The following CAMK4 variants were observed in gnomAD, a reference collection of about 807,000 sequenced individuals.
The protein encoded by CAMK4 is calcium/calmodulin dependent protein kinase IV, also known as calcium/calmodulin-dependent protein kinase type IV.
CAMK4 carries 22 observed loss-of-function variants against 44.9 expected under a neutral mutation model. The ratio of observed to expected loss-of-function variants is 0.49; its 90% CI spans 0.35 to 0.70. The LOEUF (loss-of-function observed/expected upper bound fraction) is 0.70, where lower values mean the gene tolerates loss of function less well. CAMK4 is among the 30% of genes least tolerant of loss of function. CAMK4 has a pLI of 0.01. For synonymous variants in CAMK4, 218 were observed against 215.4 expected (o/e 1.01, Z -0.11); for missense variants, 498 against 586.8 (o/e 0.85, Z 1.56).
chr5:111,240,745 T>A (rs1328456044), intron 1 of CAMK4, among the ~76,000 whole-genome samples: 3 of 152,202 alleles, frequency 2.0e-5, no homozygotes, highest in Non-Finnish European at 4.4e-5. Context: ...TACAAATGAT[T>A]GGATATCACA....
At chr5:111,348,596 G>A (rs940124282) in intron 2 of CAMK4, among the ~76,000 whole-genome samples, 1 of 151,882 alleles carries the variant, frequency 6.6e-6, no homozygotes, top group Non-Finnish European at 1.5e-5. Flanking sequence ...ATATCAGCCA[G>A]CATCATAAAG....
intron 5 of CAMK4, among the ~76,000 whole-genome samples, chr5:111,434,479 G>A (rs1172785541): frequency 1.3e-5 from 2 of 152,146 alleles, no homozygotes; most frequent in Non-Finnish European, 2.9e-5. Context: ...ATGTCTCAGG[G>A]GCCCCGAAGC....
At chr5:111,373,650 G>C (rs757948832) in intron 2 of CAMK4, among the ~76,000 whole-genome samples, 55 of 152,068 alleles carry the variant, frequency 3.6e-4, no homozygotes, top group Non-Finnish European at 6.9e-4. Flanking sequence ...TTCTTCCTCA[G>C]GAGAAGTAAC....
At chr5:111,433,923 A>G (rs1429959802) in intron 5 of CAMK4, among the ~76,000 whole-genome samples, 1 of 152,204 alleles carries the variant, frequency 6.6e-6, no homozygotes, top group Non-Finnish European at 1.5e-5. Flanking sequence ...TTGTTTTTAA[A>G]TCAATGATTG....
chr5:111,480,887 T>A (rs899585375), intron 9 of CAMK4, among the ~76,000 whole-genome samples: 3 of 152,194 alleles, frequency 2.0e-5, no homozygotes, highest in Admixed American at 1.3e-4. Flanking sequence ...TTCAGCTAGA[T>A]CCCTTGTTAG....
chr5:111,418,673 A>T (rs1419067985), intron 5 of CAMK4, among the ~76,000 whole-genome samples: 2 of 141,892 alleles, frequency 1.4e-5, no homozygotes, highest in African/African-American at 5.3e-5. Context: ...ATTCCCACCT[A>T]TGAGTGAGAA....
At chr5:111,323,639 TC>T (rs1260788312) in intron 1 of CAMK4, among the ~76,000 whole-genome samples, 2 of 151,982 alleles carry the variant, frequency 1.3e-5, no homozygotes, top group Non-Finnish European at 2.9e-5. Flanking sequence ...AAACCTGTCT[TC>T]CCAGAATTGT....
intron 5 of CAMK4, among the ~76,000 whole-genome samples, chr5:111,434,407 C>T (rs1330490298): frequency 6.6e-6 from 1 of 151,958 alleles, no homozygotes; most frequent in Admixed American, 6.6e-5. Context: ...AGGATTATGA[C>T]TGATTGGCCA....
intron 7 of CAMK4, among the ~76,000 whole-genome samples, chr5:111,452,208 G>A (rs903050442): frequency 2.0e-5 from 3 of 152,196 alleles, no homozygotes; most frequent in Non-Finnish European, 4.4e-5. Context: ...GTGAGTTTAG[G>A]TGCTGTTTGT....
Position 111,432,646 on chromosome 5 carries a change from A to G in CAMK4, c.460-14040A>G, listed in dbSNP as rs150157162. The stretch of plus-strand genomic sequence containing the variant: ...TGTATATATATATATACATATATAT[A>G]TGTATATATGTGTGTGTATATATAT... On this transcript the variant is annotated intron_variant, in intron 5 of 10. Coordinates refer to ENST00000282356, the MANE Select transcript of CAMK4 (RefSeq NM_001744.6). 7.0e-3 allele frequency among the ~76,000 whole-genome samples: 933 copies of G among 132,608 alleles called. 10 individuals are homozygous for G. Among genetic ancestry groups the G allele is most frequent in the African/African-American group, 0.025 (802 of 32,632 alleles). 87.0% of individuals were successfully genotyped at this position (132,608 alleles called of 152,430 possible). A position where few individuals can be genotyped will look rare whatever the true frequency, so the allele number is the denominator to read the frequency against.
chr5:111,423,290 A>G (rs1753095815), intron 5 of CAMK4, among the ~76,000 whole-genome samples: 1 of 152,234 alleles, frequency 6.6e-6, no homozygotes. Context: ...TACATGGCAC[A>G]TTCCACTATA....
chr5:111,357,928 AG>A (rs1360878861), intron 2 of CAMK4: 1 of 152,096 alleles, frequency 6.6e-6, no homozygotes, highest in Admixed American at 6.6e-5. Context: ...TCTAGAACTC[AG>A]GGCTTTTGAA....
At chr5:111,470,432 T>C (rs921323258) in intron 7 of CAMK4, among the ~76,000 whole-genome samples, 4 of 152,284 alleles carry the variant, frequency 2.6e-5, no homozygotes, top group African/African-American at 9.6e-5. Flanking sequence ...ATGCACACCT[T>C]CCTTTCACCA....
chr5:111,339,871 T>C (rs1749565308), intron 1 of CAMK4, among the ~76,000 whole-genome samples: 1 of 151,286 alleles, frequency 6.6e-6, no homozygotes, highest in African/African-American at 2.4e-5. Flanking sequence ...GGATATCTTT[T>C]CATTTTTTTG....
intron 1 of CAMK4, among the ~76,000 whole-genome samples, chr5:111,343,621 CCCT>C (rs1749734162): frequency 6.6e-6 from 1 of 151,756 alleles, no homozygotes. Flanking sequence ...TTAACCTAAA[CCCT>C]CTCCCTGAAG....
At chr5:111,235,675 T>C (rs1006758213) in intron 1 of CAMK4, among the ~76,000 whole-genome samples, 1 of 152,222 alleles carries the variant, frequency 6.6e-6, no homozygotes, top group Non-Finnish European at 1.5e-5. Context: ...AGAAAACCAG[T>C]GCAGTTCTTT....
At chr5:111,417,362 G>A (rs1294320366) in intron 5 of CAMK4, among the ~76,000 whole-genome samples, 1 of 151,710 alleles carries the variant, frequency 6.6e-6, no homozygotes, top group African/African-American at 2.4e-5. Context: ...GATTACAGGC[G>A]CCACCACCAC....
intron 1 of CAMK4, among the ~76,000 whole-genome samples, chr5:111,231,231 AG>A (rs1336368687): frequency 6.6e-6 from 1 of 152,236 alleles, no homozygotes; most frequent in African/African-American, 2.4e-5. Context: ...AGAAAAGAAC[AG>A]TGTCTGGAGA....
chr5:111,278,752 G>A (rs1239278023), intron 1 of CAMK4, among the ~76,000 whole-genome samples: 1 of 152,170 alleles, frequency 6.6e-6, no homozygotes, highest in Non-Finnish European at 1.5e-5. Context: ...ATCTTAAACT[G>A]GGTTTTTGCC....
Sources: gnomAD v4.1 joint callset for allele counts (sites outside exome capture counted in the v4.1 genomes callset) on GRCh38, gnomAD v4.1.1 for gene constraint, MANE v1.5 for transcripts, NCBI Gene and HGNC (gene_info 2026-07-23, HGNC 2026-07-21) for gene names.